HS3ST5: variants seen among roughly 807,000 people sequenced by gnomAD.
HS3ST5 encodes the protein heparan sulfate glucosamine 3-O-sulfotransferase 5.
A neutral mutation model predicts 25.4 loss-of-function variants in HS3ST5; 10 were observed. The ratio of observed to expected loss-of-function variants is 0.39; its 90% CI spans 0.24 to 0.67. HS3ST5 has a LOEUF of 0.67. Among genes scored for constraint, HS3ST5 ranks in the 30% least tolerant of loss-of-function variants. The probability of loss-of-function intolerance (pLI) is 0.44; values close to 1 mark genes in which losing one functional copy is unlikely to be tolerated. For missense variants in HS3ST5, 324 were observed against 420.7 expected, an observed-to-expected ratio of 0.77 and a Z score of 2.01; for synonymous variants, 170 against 162.4, an observed-to-expected ratio of 1.05 and a Z score of -0.36.
chr6:114,328,032 T>C (rs1211934663), intron 1 of HS3ST5, among the ~76,000 whole-genome samples: 1 of 152,008 alleles, frequency 6.6e-6, no homozygotes, highest in Admixed American at 6.6e-5. Context: ...AATGAAATAA[T>C]AGAGGTAGGA....
chr6:114,136,806 C>A (rs1044411914), intron 3 of HS3ST5, among the ~76,000 whole-genome samples: 3 of 152,176 alleles, frequency 2.0e-5, no homozygotes, highest in Non-Finnish European at 4.4e-5. Flanking sequence ...TTAAATCATT[C>A]TAGACATTTT....
At chr6:114,061,514 G>T (rs980923180) in intron 4 of HS3ST5, among the ~76,000 whole-genome samples, 1 of 152,166 alleles carries the variant, frequency 6.6e-6, no homozygotes, top group Admixed American at 6.5e-5. Context: ...AAGTGATAAG[G>T]TCTACAGATT....
chr6:114,274,905 A>G (rs1267425491), intron 1 of HS3ST5, among the ~76,000 whole-genome samples: 2 of 150,284 alleles, frequency 1.3e-5, no homozygotes, highest in Admixed American at 6.6e-5. Context: ...CTATACAACT[A>G]TGTATACAAC....
chr6:114,146,608 T>C (rs747603075), intron 3 of HS3ST5, among the ~76,000 whole-genome samples: 1 of 152,202 alleles, frequency 6.6e-6, no homozygotes, highest in Non-Finnish European at 1.5e-5. Flanking sequence ...ATACGGTTTG[T>C]ATATTCACTC....
chr6:114,246,540 G>A (rs913728954), intron 1 of HS3ST5, among the ~76,000 whole-genome samples: 40 of 152,268 alleles, frequency 2.6e-4, no homozygotes, highest in Admixed American at 2.2e-3. Flanking sequence ...AAGACAATAA[G>A]CTTGTCTGCC....
At chr6:114,313,610 C>T (rs1051000217) in intron 1 of HS3ST5, among the ~76,000 whole-genome samples, 6 of 152,014 alleles carry the variant, frequency 3.9e-5, no homozygotes, top group East Asian at 3.9e-4. Flanking sequence ...CAACACTAAT[C>T]GATAGTAATG....
chr6:114,272,054 T>C (rs1773658073), intron 1 of HS3ST5, among the ~76,000 whole-genome samples: 1 of 152,284 alleles, frequency 6.6e-6, no homozygotes, highest in Non-Finnish European at 1.5e-5. Context: ...TCTTTGAACA[T>C]ATATTTATTT....
At chr6:114,206,926 T>C (rs1037719030) in intron 2 of HS3ST5, among the ~76,000 whole-genome samples, 4 of 152,150 alleles carry the variant, frequency 2.6e-5, no homozygotes, top group African/African-American at 9.7e-5. Context: ...CATTGTGGAG[T>C]ACATTAAAAA....
intron 1 of HS3ST5, among the ~76,000 whole-genome samples, chr6:114,282,241 A>T (rs1174010565): frequency 6.6e-6 from 1 of 151,946 alleles, no homozygotes; most frequent in Non-Finnish European, 1.5e-5. Context: ...TTTGAAGGCT[A>T]CCTCTCAAAA....
At chr6:114,230,026 C>T (rs1316029421) in intron 1 of HS3ST5, 3 of 151,376 alleles carry the variant, frequency 2.0e-5, no homozygotes, top group Non-Finnish European at 4.4e-5. Context: ...GCCACTGAAA[C>T]GGTTGCAATG....
chr6:114,200,938 A>C (rs1780984176), intron 2 of HS3ST5, among the ~76,000 whole-genome samples: 1 of 152,200 alleles, frequency 6.6e-6, no homozygotes, highest in South Asian at 2.1e-4. Context: ...TATAAGATAT[A>C]ACTTAATTTA....
At chr6:114,185,727 CT>C (rs1341811569) in intron 2 of HS3ST5, among the ~76,000 whole-genome samples, 4 of 148,296 alleles carry the variant, frequency 2.7e-5, no homozygotes, top group African/African-American at 7.4e-5. Context: ...TAATCAGTGT[CT>C]TTTTCTTTCT....
Position 114,103,614 on chromosome 6 carries a change from G to T in HS3ST5, c.-32-40737C>A, listed in dbSNP as rs1290561161. Among the ~76,000 whole-genome samples the T allele has an allele frequency of 2.7e-5, 4 of 150,438 alleles. No homozygotes were observed. The South Asian group carries it at 6.3e-4, about 24-fold the overall frequency. ...TTAATTTTTTTTTTATAGAGACAGG[G>T]TCTGACTCTGTTGCCTGTCTGAAAC... On this transcript the variant is annotated intron_variant, in intron 3 of 4. Coordinates refer to ENST00000312719, the MANE Select transcript of HS3ST5 (RefSeq NM_153612.4).
At chr6:114,073,573 T>C (rs1773952076) in intron 3 of HS3ST5, among the ~76,000 whole-genome samples, 1 of 152,086 alleles carries the variant, frequency 6.6e-6, no homozygotes, top group Non-Finnish European at 1.5e-5. Flanking sequence ...GAAATGCAGA[T>C]CAAAACTACA....
At chr6:114,312,656 GAA>G (rs1204504340) in intron 1 of HS3ST5, among the ~76,000 whole-genome samples, 1 of 151,504 alleles carries the variant, frequency 6.6e-6, no homozygotes, top group Non-Finnish European at 1.5e-5. Flanking sequence ...TCCAGAAGTG[GAA>G]AAAAAATTCT....
At chr6:114,180,428 GT>G (rs1779921894) in intron 2 of HS3ST5, among the ~76,000 whole-genome samples, 1 of 152,054 alleles carries the variant, frequency 6.6e-6, no homozygotes, top group Non-Finnish European at 1.5e-5. Context: ...CAAGATCAAG[GT>G]GCCAGCATGG....
At chr6:114,187,269 C>T (rs536919486) in intron 2 of HS3ST5, among the ~76,000 whole-genome samples, 3 of 152,102 alleles carry the variant, frequency 2.0e-5, no homozygotes, top group Non-Finnish European at 4.4e-5. Context: ...TGAATCTGGG[C>T]AAAATAAATT....
At chr6:114,304,769 T>C (rs1256027289) in intron 1 of HS3ST5, among the ~76,000 whole-genome samples, 4 of 152,064 alleles carry the variant, frequency 2.6e-5, no homozygotes, top group Non-Finnish European at 5.9e-5. Context: ...CAAGAAGAGA[T>C]AGATTGTTTT....
intron 3 of HS3ST5, among the ~76,000 whole-genome samples, chr6:114,075,869 G>A (rs1004475972): frequency 9.9e-5 from 15 of 151,954 alleles, no homozygotes; most frequent in African/African-American, 3.1e-4. Context: ...CTTGAGGCTC[G>A]TCTTTTCCTT....
Sources: allele counts gnomAD v4.1 joint callset (sites outside exome capture counted in the v4.1 genomes callset), GRCh38; gene constraint gnomAD v4.1.1; transcripts MANE v1.5; gene names NCBI Gene and HGNC (gene_info 2026-07-23, HGNC 2026-07-21).